ABR: variants seen among roughly 807,000 people sequenced by gnomAD.
ABR encodes active breakpoint cluster region-related protein.
ABR carries 35 observed loss-of-function variants against 107.2 expected under a neutral mutation model. The observed-to-expected ratio is 0.33, with a 90% CI of 0.25 to 0.43. The LOEUF (loss-of-function observed/expected upper bound fraction) is 0.43. Among genes scored for constraint, ABR ranks in the 20% least tolerant of loss-of-function variants. The probability of loss-of-function intolerance (pLI) is 1.00; values close to 1 mark genes in which losing one functional copy is unlikely to be tolerated. For missense variants in ABR, 815 were observed against 1,115.2 expected (o/e 0.73, Z 3.83); for synonymous variants, 498 against 462.0 (o/e 1.08, Z -1.00).
At position 1,157,432 on chromosome 17, in the gene ABR, A is replaced by G. The variant is rs532736789; in HGVS notation, c.61+22235T>C. Among the ~76,000 whole-genome samples, 474 of 151,982 alleles carry G rather than the reference A, an allele frequency of 3.1e-3. 2 individuals carry two copies. The highest frequency in any genetic ancestry group is 0.011 in the African/African-American group (447 of 41,454). On this transcript the variant is annotated intron_variant, in intron 1 of 22. Coordinates refer to ENST00000302538, the MANE Select transcript of ABR (RefSeq NM_021962.5). The surrounding 1 kb of genome is among the most constrained non-coding windows in gnomAD (Gnocchi z 4.7). ...CGCCCGGCTAATTTTTATATTTTTA[A>G]TAGAGACAGGGTCTCACCATGTTGG...
In ABR at chr17:1,226,599, CA is replaced by C. The variant is rs1487838539; in HGVS notation, c.838+2193del. ...GCATGCATTTATGTGGCACTGTGCA[CA>C]TGTACATATGCAGGTGTGTGTGCAT... is the stretch of plus-strand genomic sequence containing the variant. On this transcript the variant is annotated intron_variant, in intron 1 of 22. Transcript: ENST00000574139. Among the ~76,000 whole-genome samples the C allele has an allele frequency of 2.7e-5, 4 of 149,272 alleles. No homozygotes were observed. The South Asian group carries it at 8.5e-4, about 32-fold the overall frequency.
intron 1 of ABR, among the ~76,000 whole-genome samples, chr17:1,186,240 A>G (rs766038927): frequency 1.6e-4 from 25 of 152,194 alleles, no homozygotes; most frequent in Admixed American, 1.3e-3. Flanking sequence ...GTCTCAGCCT[A>G]TGAGTCTGTC....
At chr17:1,049,828 G>A (rs2032244329) in intron 16 of ABR, among the ~76,000 whole-genome samples, 1 of 152,228 alleles carries the variant, frequency 6.6e-6, no homozygotes, top group South Asian at 2.1e-4. Context: ...TCTTGCAGAA[G>A]CGCAGATGAC....
At chr17:1,039,938 G>A (rs894513141) in intron 16 of ABR, among the ~76,000 whole-genome samples, 3 of 152,204 alleles carry the variant, frequency 2.0e-5, no homozygotes, top group African/African-American at 7.2e-5. Context: ...GTGAGTGCCA[G>A]GGCAGGGGTT....
intron 16 of ABR, among the ~76,000 whole-genome samples, chr17:1,034,560 G>C (rs2073028044): frequency 6.6e-6 from 1 of 152,178 alleles, no homozygotes; most frequent in South Asian, 2.1e-4. Context: ...GGAGGCAACT[G>C]GGGAAGGCTT....
chr17:1,112,807 A>G (rs901544281), intron 2 of ABR, among the ~76,000 whole-genome samples: 2 of 152,182 alleles, frequency 1.3e-5, no homozygotes, highest in Admixed American at 1.3e-4. Context: ...TCTAAATCTC[A>G]GTCTCCAATG....
intron 16 of ABR, among the ~76,000 whole-genome samples, chr17:1,026,511 G>C (rs766743368): frequency 1.3e-5 from 2 of 152,172 alleles, no homozygotes; most frequent in Non-Finnish European, 2.9e-5. Context: ...AAGCGGGACT[G>C]GGGAAGTCTC....
At chr17:1,031,881 T>TCCCTCCCTCCCGCCCTCCCCGCGCTC in intron 16 of ABR, 1 of 849,174 alleles carries the variant, frequency 1.2e-6, no homozygotes, top group Non-Finnish European at 1.4e-6. Flanking sequence ...CGCGCTCCCC[T>TCCCTCCCTCCCGCCCTCCCCGCGCTC]CCCTCCCTCC....
intron 1 of ABR, among the ~76,000 whole-genome samples, chr17:1,132,052 G>A (rs143536415): frequency 2.2e-4 from 34 of 151,406 alleles, no homozygotes; most frequent in African/African-American, 7.5e-4. Context: ...CACTGCTCCC[G>A]TGCCTAGAAA....
chr17:1,040,412 G>C (rs1045711003), intron 16 of ABR, among the ~76,000 whole-genome samples: 1 of 152,228 alleles, frequency 6.6e-6, no homozygotes, highest in African/African-American at 2.4e-5. Flanking sequence ...GACCACACCA[G>C]GCCAAGCTCA....
chr17:1,057,867 C>T lies in ABR; in HGVS notation c.1381+103G>A, dbSNP rs963570622. 1.9e-5 allele frequency: 20 copies of T among 1,056,878 alleles called. No homozygotes were observed. The East Asian group carries it at 1.9e-4, about 10-fold the overall frequency. 65.5% of individuals were successfully genotyped at this position (1,056,878 alleles called of 1,614,324 possible). ...ACCCTGGCACCTCTGAGGGTGACTG[C>T]GAGGGCCAAAGACGTGATACTGGAC... On this transcript the variant is annotated intron_variant, in intron 12 of 22. Coordinates refer to ENST00000302538, the MANE Select transcript of ABR (RefSeq NM_021962.5).
chr17:1,135,900 G>A lies in ABR; in HGVS notation c.62-10533C>T, dbSNP rs1567811710. Among the ~76,000 whole-genome samples, 4 of 152,018 alleles carry A rather than the reference G, an allele frequency of 2.6e-5. No homozygotes were observed. The South Asian group carries it at 8.3e-4, about 32-fold the overall frequency. ...CAAAAAAAATAAACAAATAAAGTCA[G>A]GTAATGTGATTCTTCCAGTTTTGTT... On this transcript the variant is annotated intron_variant, in intron 1 of 22. Coordinates refer to ENST00000302538, the MANE Select transcript of ABR (RefSeq NM_021962.5).
At chr17:1,072,847 C>T (rs895586421) in intron 7 of ABR, 93 bp from the exon 8 acceptor site, 11 of 1,418,618 alleles carry the variant, frequency 7.8e-6, no homozygotes, top group Non-Finnish European at 1.0e-5. Context: ...AAAGGGTGGG[C>T]ACTCAGGGAC....
chr17:1,215,782 C>CT lies in ABR; in HGVS notation c.838+13010dup, dbSNP rs1480789599. Among the ~76,000 whole-genome samples the CT allele has an allele frequency of 3.9e-5, 6 of 152,226 alleles. 1 individual carries two copies. The Middle Eastern group carries it at 0.014, about 345-fold the overall frequency. ...AGGAGAAATCGGATTGTTGCTGTGT[C>CT]TGTGTAGAAAGAGGTGGACATAGGA... On this transcript the variant is annotated intron_variant, in intron 1 of 22. Transcript: ENST00000574139.
At chr17:1,060,406 C>A (rs910901048) in intron 10 of ABR, among the ~76,000 whole-genome samples, 2 of 151,652 alleles carry the variant, frequency 1.3e-5, no homozygotes, top group Non-Finnish European at 2.9e-5. Flanking sequence ...CGAGACTCTA[C>A]CTCAAAAAGA....
At chr17:1,049,545 C>T (rs1278949476) in intron 16 of ABR, among the ~76,000 whole-genome samples, 1 of 152,198 alleles carries the variant, frequency 6.6e-6, no homozygotes, top group Non-Finnish European at 1.5e-5. Flanking sequence ...CCCAACGCAG[C>T]TGAGTAAGGT....
At chr17:1,173,974 A>G (rs185812131) in intron 1 of ABR, among the ~76,000 whole-genome samples, 1 of 152,262 alleles carries the variant, frequency 6.6e-6, no homozygotes, top group Admixed American at 6.5e-5. Context: ...CACAACACCC[A>G]CGAGAGCCAT....
intron 5 of ABR, among the ~76,000 whole-genome samples, chr17:1,081,452 G>GC (rs1392002678): frequency 6.6e-6 from 1 of 152,186 alleles, no homozygotes; most frequent in East Asian, 1.9e-4. Flanking sequence ...TGACACATCT[G>GC]CTCCATGGGT....
At chr17:1,079,634 CAA>C (rs1002521598) in intron 5 of ABR, among the ~76,000 whole-genome samples, 12 of 151,792 alleles carry the variant, frequency 7.9e-5, no homozygotes, top group African/African-American at 2.9e-4. Flanking sequence ...ACTAAAAATA[CAA>C]AAGTTAGCCA....
Sources: allele counts gnomAD v4.1 joint callset (sites outside exome capture counted in the v4.1 genomes callset), GRCh38; gene constraint gnomAD v4.1.1; non-coding constraint Gnocchi (gnomAD v3.1); transcripts MANE v1.5; gene names NCBI Gene and HGNC (gene_info 2026-07-23, HGNC 2026-07-21).